The following NUP210L variants were observed in gnomAD, a reference collection of about 807,000 sequenced individuals.
NUP210L encodes the protein nuclear pore membrane glycoprotein 210-like.
Under a neutral mutation model 208.5 loss-of-function variants are expected in NUP210L, and 74 were observed. The ratio of observed to expected loss-of-function variants is 0.35; its 90% confidence interval spans 0.29 to 0.43. The LOEUF (loss-of-function observed/expected upper bound fraction) is 0.43, where lower values mean the gene tolerates loss of function less well. NUP210L is among the 20% of genes least tolerant of loss of function. The probability of loss-of-function intolerance (pLI) is 1.00; values close to 1 mark genes in which losing one functional copy is unlikely to be tolerated. For synonymous variants in NUP210L, 780 were observed against 816.9 expected, an observed-to-expected ratio of 0.95 and a Z score of 0.77; for missense variants, 1,843 against 2,289.4, an observed-to-expected ratio of 0.81 and a Z score of 3.98.
chr1:154,023,842 G>A (rs956389434), intron 30 of NUP210L, among the ~76,000 whole-genome samples: 14 of 150,604 alleles, frequency 9.3e-5, no homozygotes, highest in African/African-American at 3.4e-4. Flanking sequence ...AGGCTGGAGT[G>A]CAGTGGTGCA....
chr1:154,028,323 A>C (rs1652015562), intron 28 of NUP210L, among the ~76,000 whole-genome samples: 3 of 152,220 alleles, frequency 2.0e-5, no homozygotes, highest in Admixed American at 2.0e-4. Context: ...GCGGTGGCTC[A>C]TACCTGTAAT....
chr1:154,020,436 G>C (rs1299391735), intron 32 of NUP210L, among the ~76,000 whole-genome samples: 1 of 151,852 alleles, frequency 6.6e-6, no homozygotes, highest in Non-Finnish European at 1.5e-5. Flanking sequence ...CTGCAGCCTT[G>C]ATCTCCTGGG....
At chr1:153,993,074 A>C in exon 39 of NUP210L, 1 of 1,613,440 alleles carries the variant, frequency 6.2e-7, no homozygotes, top group Non-Finnish European at 8.5e-7. Context: ...TATCTTGTTT[A>C]GGAAGGCATT....
intron 30 of NUP210L, among the ~76,000 whole-genome samples, chr1:154,024,996 T>C (rs1207611032): frequency 1.3e-5 from 2 of 148,294 alleles, no homozygotes; most frequent in African/African-American, 5.0e-5. Context: ...GGCGTGATCT[T>C]GGCTCACTGC....
At chr1:154,023,261 G>T (rs991787686) in exon 31 of NUP210L, 4 of 1,612,450 alleles carry the variant, frequency 2.5e-6, no homozygotes, top group Middle Eastern at 1.7e-4. Flanking sequence ...TATAGCTTGG[G>T]TTGGCTGCTC....
chr1:154,137,949 C>T (rs1658632897), intron 6 of NUP210L, among the ~76,000 whole-genome samples, 157 bp downstream of exon 6: 1 of 152,096 alleles, frequency 6.6e-6, no homozygotes, highest in Non-Finnish European at 1.5e-5. Context: ...AGATATGGGG[C>T]TATTTCTGTC....
intron 38 of NUP210L, among the ~76,000 whole-genome samples, chr1:153,993,541 G>C (rs554891142): frequency 6.6e-6 from 1 of 151,476 alleles, no homozygotes; most frequent in South Asian, 2.1e-4. Flanking sequence ...ACTCCAGCCT[G>C]GGCGATAGAG....
intron 37 of NUP210L, among the ~76,000 whole-genome samples, chr1:153,999,952 G>A (rs928873686): frequency 6.6e-6 from 1 of 151,364 alleles, no homozygotes; most frequent in African/African-American, 2.4e-5. Context: ...AGCCTCCCGA[G>A]TAGCTGGGAC....
chr1:154,032,989 A>AAAAG (rs1235351781), intron 27 of NUP210L, among the ~76,000 whole-genome samples: 2 of 147,444 alleles, frequency 1.4e-5, no homozygotes, highest in East Asian at 2.0e-4. Context: ...AAAAGAAAAG[A>AAAAG]AAAGAAAGAA....
intron 37 of NUP210L, chr1:153,995,927 AG>A: frequency 1.9e-6 from 1 of 520,014 alleles, no homozygotes; most frequent in Non-Finnish European, 3.8e-6. Flanking sequence ...TTGTTGTGAA[AG>A]TGTCGAAGGC....
intron 35 of NUP210L, among the ~76,000 whole-genome samples, chr1:154,002,297 C>T (rs1650266163): frequency 2.0e-5 from 3 of 152,026 alleles, no homozygotes; most frequent in African/African-American, 7.2e-5. Context: ...CATTCTGCAG[C>T]CCGACCTCCC....
At chr1:153,996,208 C>T (rs1571144783) in intron 37 of NUP210L, among the ~76,000 whole-genome samples, 1 of 152,024 alleles carries the variant, frequency 6.6e-6, no homozygotes. Flanking sequence ...AGAAGAATGG[C>T]GTGAACCCGG....
At chr1:154,097,423 T>C (rs1314143551) in intron 14 of NUP210L, among the ~76,000 whole-genome samples, 4 of 152,154 alleles carry the variant, frequency 2.6e-5, no homozygotes, top group Non-Finnish European at 5.9e-5. Flanking sequence ...GAGATCTGAT[T>C]TGTGGACATT....
chr1:154,094,974 C>T, exon 15 of NUP210L: 1 of 1,614,098 alleles, frequency 6.2e-7, no homozygotes, highest in Non-Finnish European at 8.5e-7. Context: ...GGTAGATGTA[C>T]TGGTTCTGTT....
chr1:154,104,298 C>T (rs954978119), intron 12 of NUP210L, 88 bp from the exon 13 acceptor site: 2 of 969,560 alleles, frequency 2.1e-6, no homozygotes, highest in Non-Finnish European at 3.3e-6. Flanking sequence ...ATAGAACCCT[C>T]CAGTGATTGT....
At chr1:154,024,501 C>G (rs911373796) in intron 30 of NUP210L, among the ~76,000 whole-genome samples, 7 of 152,026 alleles carry the variant, frequency 4.6e-5, no homozygotes, top group Admixed American at 4.6e-4. Context: ...GGTCTTTTCT[C>G]AATTTTTTAA....
chr1:154,084,946 A>C (rs1179800834), intron 16 of NUP210L, among the ~76,000 whole-genome samples: 2 of 143,932 alleles, frequency 1.4e-5, no homozygotes, highest in Non-Finnish European at 3.1e-5. Flanking sequence ...ATGAGTTACC[A>C]GCCACAGTGG....
chr1:154,024,334 T>C (rs1472221673), intron 30 of NUP210L, among the ~76,000 whole-genome samples: 1 of 152,182 alleles, frequency 6.6e-6, no homozygotes, highest in Non-Finnish European at 1.5e-5. Context: ...GTCTCAGGTT[T>C]CTTATCAGTT....
intron 27 of NUP210L, among the ~76,000 whole-genome samples, chr1:154,038,753 G>A (rs1652700522): frequency 6.6e-6 from 1 of 152,120 alleles, no homozygotes. Context: ...GAGCCAACGT[G>A]CCTGGCTTGT....
Sources: allele counts gnomAD v4.1 joint callset (sites outside exome capture counted in the v4.1 genomes callset), GRCh38; gene constraint gnomAD v4.1.1; transcripts MANE v1.5; gene names NCBI Gene and HGNC (gene_info 2026-07-23, HGNC 2026-07-21).